The following WDR6 variants were observed in gnomAD, a reference collection of about 807,000 sequenced individuals.
WDR6 encodes WD repeat domain 6, also known as tRNA (34-2'-O)-methyltransferase regulator WDR6.
Under a neutral mutation model 85.6 loss-of-function variants are expected in WDR6, and 58 were observed. The ratio of observed to expected loss-of-function variants is 0.68; its 90% CI spans 0.55 to 0.84. The LOEUF (loss-of-function observed/expected upper bound fraction) is 0.84. Among genes scored for constraint, WDR6 ranks in the 40% least tolerant of loss-of-function variants. WDR6 has a pLI of 0.00. For synonymous variants in WDR6, 569 were observed against 582.2 expected, an observed-to-expected ratio of 0.98 and a Z score of 0.33; for missense variants, 1,310 against 1,476.4, an observed-to-expected ratio of 0.89 and a Z score of 1.85.
In WDR6 at chr3:49,015,066, G is replaced by C; in HGVS notation, c.3144G>C (p.Val1048=). The C allele has an allele frequency of 6.2e-7, 1 of 1,614,152 alleles. No individual in the cohort carries two copies. Among genetic ancestry groups the C allele is most frequent in the Middle Eastern group, 1.6e-4 (1 of 6,062 alleles). Residue 1048 remains valine, a synonymous_variant, in exon 6 of 6, where the codon GTG becomes GTC. Transcript: ENST00000608424. ...TCCCCTGTGCACATGCTGCCCATGT[G>C]ACAGGCCTCAAGATCCTAAGCCCAA... ...YSVPCAHAAH[V]TGLKILSPSI...
At chr3:49,010,405 C>CAA (rs1169593580) in intron 1 of WDR6, among the ~76,000 whole-genome samples, 1 of 125,808 alleles carries the variant, frequency 7.9e-6, no homozygotes, top group African/African-American at 3.0e-5. Context: ...GACTTTGTCT[C>CAA]AAAAAAAAAA....
Position 49,014,631 on chromosome 3 carries a change from G to A in WDR6, c.2815G>A (p.Gly939Ser), listed in dbSNP as rs764691454. ...CCTCCTGTGCAGCGCAGCTACTGAT[G>A]GCAGCCTGGCTTTCTGGGATCTCAC... ...RLLLCSAATD[G>S]SLAFWDLTTM... The change falls in exon 5 of 6, where the codon GGC (glycine) becomes AGC (serine). Residue 939 changes from glycine (G) to serine (S), a missense_variant. Physicochemically the swap from Gly to Ser is moderately conservative, Grantham distance 56. Transcript: ENST00000608424. This position sits in a 1 kb window ranked among gnomAD's most constrained non-coding sequence, Gnocchi z 4.9. 3 of 1,613,656 alleles carry A rather than the reference G, an allele frequency of 1.9e-6. No individual in the cohort carries two copies. Among genetic ancestry groups the A allele is most frequent in the East Asian group, 4.5e-5 (2 of 44,874 alleles).
In WDR6 at chr3:49,013,934, C is replaced by T; in HGVS notation, c.2400C>T (p.Ala800=). Residue 800 remains alanine (A), a synonymous_variant, in exon 2 of 6, where the codon GCC becomes GCT. Transcript: ENST00000608424. The surrounding 1 kb of genome is among the most constrained non-coding windows in gnomAD (Gnocchi z 4.6). Reference sequence around the variant, plus strand: ...AGGATCCTCAGCCAGGCCTGACTGCCCATGTGGTGTCTGCGGGGGGGCGGG... The same window carrying T: ...AGGATCCTCAGCCAGGCCTGACTGCTCATGTGGTGTCTGCGGGGGGGCGGG... ...GPQDPQPGLT[A]HVVSAGGRAE... 1 of 1,613,336 alleles carries T rather than the reference C, an allele frequency of 6.2e-7. No individual in the cohort carries two copies. The highest frequency in any genetic ancestry group is 1.3e-5 in the African/African-American group (1 of 75,022).
At position 49,013,101 on chromosome 3, in the gene WDR6, G is replaced by C; in HGVS notation, c.1567G>C (p.Gly523Arg). 6.2e-7 allele frequency: 1 copy of C among 1,609,790 alleles called. No homozygotes were observed. ...GSVLLFPSRPGLLKDPGVGGK... is the reference protein window; with the variant it reads ...GSVLLFPSRPRLLKDPGVGGK... ...TGTGCTGCTATTCCCCTCCAGACCAGGTCTGCTCAAGGACCCTGGGGTGGG... is the reference window on the plus strand; with the variant it reads ...TGTGCTGCTATTCCCCTCCAGACCACGTCTGCTCAAGGACCCTGGGGTGGG... The change falls in exon 2 of 6, where the codon GGT becomes CGT. Residue 523 changes from glycine to arginine, a missense_variant. By Grantham distance (125) the Gly-to-Arg change is moderately radical. Coordinates refer to ENST00000608424, the MANE Select transcript of WDR6 (RefSeq NM_018031.6). This position sits in a 1 kb window ranked among gnomAD's most constrained non-coding sequence, Gnocchi z 4.6.
In WDR6 at chr3:49,012,446, A is replaced by G; in HGVS notation, c.912A>G (p.Ile304Met). The G allele has an allele frequency of 1.9e-6, 3 of 1,614,188 alleles. No individual in the cohort carries two copies. Among genetic ancestry groups the G allele is most frequent in the Non-Finnish European group, 2.5e-6 (3 of 1,180,028 alleles). ...RGHQGRGIRA[I>M]AAHERQAWVI... ...ACCAGGGACGTGGGATCCGGGCCATAGCTGCCCATGAGAGGCAGGCCTGGG... is the reference window on the plus strand; with the variant it reads ...ACCAGGGACGTGGGATCCGGGCCATGGCTGCCCATGAGAGGCAGGCCTGGG... Residue 304 changes from isoleucine to methionine, a missense_variant, in exon 2 of 6, where the codon ATA (isoleucine) becomes ATG (methionine). Transcript: ENST00000608424. This position sits in a 1 kb window ranked among gnomAD's most constrained non-coding sequence, Gnocchi z 4.4.
Position 49,015,497 on chromosome 3 carries a change from A to T in WDR6, c.*209A>T. 6.3e-7 allele frequency: 1 copy of T among 1,577,580 alleles called. No homozygotes were observed. Among genetic ancestry groups the T allele is most frequent in the Non-Finnish European group, 8.7e-7 (1 of 1,153,670 alleles). On this transcript the variant is annotated 3_prime_UTR_variant, in exon 6 of 6. Transcript: ENST00000608424. ...CATGACAAGACAGAACTTTGTAACA[A>T]ACAGTACCAATTTATTTTGGCCGTG...
intron 1 of WDR6, chr3:49,011,265 A>T (rs1284423768): frequency 4.9e-6 from 2 of 404,186 alleles, no homozygotes; most frequent in Non-Finnish European, 4.6e-6. Context: ...TTTAGTAGAG[A>T]TGGGGTTTTC....
chr3:49,014,881 C>T lies in WDR6; in HGVS notation c.2959C>T (p.His987Tyr). The T allele has an allele frequency of 6.2e-7, 1 of 1,613,270 alleles. No homozygotes were observed. Among genetic ancestry groups the T allele is most frequent in the Non-Finnish European group, 8.5e-7 (1 of 1,179,390 alleles). The change falls in exon 6 of 6, where the codon CAC becomes TAC. Residue 987 changes from histidine to tyrosine, a missense_variant. Physicochemically the swap from His to Tyr is moderately conservative, Grantham distance 83. Transcript: ENST00000608424. The surrounding 1 kb of genome is among the most constrained non-coding windows in gnomAD (Gnocchi z 4.9). ...CCACAGCTGTGGTATCAACAGCCTG[C>T]ACACCTTGCCCACCCGTGAGGGCCA... ...QAHSCGINSL[H>Y]TLPTREGHHL...
Position 49,015,857 on chromosome 3 carries a change from C to G in WDR6, c.*569C>G, listed in dbSNP as rs1282034171. 1 of 1,614,034 alleles carries G rather than the reference C, an allele frequency of 6.2e-7. No individual in the cohort carries two copies. The highest frequency in any genetic ancestry group is 1.3e-5 in the African/African-American group (1 of 74,876). On this transcript the variant is annotated 3_prime_UTR_variant, in exon 6 of 6. Transcript: ENST00000608424. The stretch of plus-strand genomic sequence containing the variant: ...GAGCTGAAATCCATGCTGAGCTGTA[C>G]CAGGAACTTGCATATCTAGAGACAG...
In WDR6 at chr3:49,012,011, C is replaced by G. The variant is rs1395677379; in HGVS notation, c.477C>G (p.Thr159=). 3 of 1,614,154 alleles carry G rather than the reference C, an allele frequency of 1.9e-6. No individual in the cohort carries two copies. Among genetic ancestry groups the G allele is most frequent in the Admixed American group, 3.3e-5 (2 of 60,026 alleles). ...AGGTGCCCTGCACAGACAGGTGCAC[C>G]CTCTCTTCAGCCTGCCTGATTGGAG... ...LQEVPCTDRC[T]LSSACLIGDA... is the part of the protein sequence containing the mutation. Residue 159 remains threonine (T), a synonymous_variant, in exon 2 of 6, where the codon ACC becomes ACG. Transcript: ENST00000608424. This position sits in a 1 kb window ranked among gnomAD's most constrained non-coding sequence, Gnocchi z 4.4.
rs1207661748 is a variant in WDR6, at chr3:49,013,293, C to T, written c.1759C>T (p.Arg587Cys). The T allele has an allele frequency of 6.8e-6, 11 of 1,614,108 alleles. No individual in the cohort carries two copies. The highest frequency in any genetic ancestry group is 1.7e-5 in the Admixed American group (1 of 60,010). The change falls in exon 2 of 6, where the codon CGT (arginine) becomes TGT (cysteine). Residue 587 changes from arginine (R) to cysteine (C), a missense_variant. Arg to Cys is a radical substitution (Grantham distance 180). Transcript: ENST00000608424. This position sits in a 1 kb window ranked among gnomAD's most constrained non-coding sequence, Gnocchi z 4.6. Reference protein sequence around the residue: ...CHGGYVYTTGRDGAYYQLFVR... With the variant: ...CHGGYVYTTGCDGAYYQLFVR... ...TGGTGGCTATGTGTATACCACAGGG[C>T]GTGATGGAGCCTACTACCAGCTGTT... is the stretch of plus-strand genomic sequence containing the variant.
In WDR6 at chr3:49,007,926, G is replaced by A. The variant is rs1363617561; in HGVS notation, c.100+395G>A. On this transcript the variant is annotated intron_variant, in intron 1 of 5. Coordinates refer to ENST00000608424, the MANE Select transcript of WDR6 (RefSeq NM_018031.6). The surrounding 1 kb of genome is among the most constrained non-coding windows in gnomAD (Gnocchi z 5.1). ...CCGAAGGAGACGGGGCCGAGCTGGG[G>A]GGGGCGGAGGGAGGAGGAGGAGGAG... The A allele has an allele frequency of 1.2e-5, 2 of 163,428 alleles. No individual in the cohort carries two copies. The highest frequency in any genetic ancestry group is 1.4e-4 in the South Asian group (1 of 7,042). The allele number at this position is 163,428 out of a possible 1,614,324, so 10.1% of individuals were successfully genotyped here.
chr3:49,010,675 C>T (rs935893892), intron 1 of WDR6, among the ~76,000 whole-genome samples: 1 of 151,568 alleles, frequency 6.6e-6, no homozygotes, highest in South Asian at 2.1e-4. Flanking sequence ...ACGGTGAAAC[C>T]CTGTCTCTAT....
chr3:49,007,802 C>T lies in WDR6; in HGVS notation c.100+271C>T. 4 of 880,422 alleles carry T rather than the reference C, an allele frequency of 4.5e-6. No homozygotes were observed. The highest frequency in any genetic ancestry group is 6.0e-6 in the Non-Finnish European group (4 of 666,766). 54.5% of individuals were successfully genotyped at this position (880,422 alleles called of 1,614,324 possible). On this transcript the variant is annotated intron_variant, in intron 1 of 5. Coordinates refer to ENST00000608424, the MANE Select transcript of WDR6 (RefSeq NM_018031.6). This position sits in a 1 kb window ranked among gnomAD's most constrained non-coding sequence, Gnocchi z 5.1. ...GGGCGGGTGGAACCGCGGGAGGGTG[C>T]AGGGGAACGCGGCCGCGCGGAGGCG...
In WDR6 at chr3:49,007,759, C is replaced by G; in HGVS notation, c.100+228C>G. On this transcript the variant is annotated intron_variant, in intron 1 of 5. Transcript: ENST00000608424. This position sits in a 1 kb window ranked among gnomAD's most constrained non-coding sequence, Gnocchi z 5.1. ...TGTGGCCGCCGCGGCGCTTCATAAA[C>G]TTCAGCCCGCGTGGAAAGGGCGGGT... The G allele has an allele frequency of 1.2e-5, 14 of 1,196,950 alleles. No homozygotes were observed. The highest frequency in any genetic ancestry group is 1.5e-5 in the Non-Finnish European group (14 of 932,226). 74.1% of individuals were successfully genotyped at this position (1,196,950 alleles called of 1,614,324 possible). A position where few individuals can be genotyped will look rare whatever the true frequency, so the allele number is the denominator to read the frequency against.
In WDR6 at chr3:49,012,274, G is replaced by C; in HGVS notation, c.740G>C (p.Arg247Pro). The C allele has an allele frequency of 6.2e-7, 1 of 1,614,226 alleles. No homozygotes were observed. The highest frequency in any genetic ancestry group is 8.5e-7 in the Non-Finnish European group (1 of 1,180,040). Residue 247 changes from arginine (R) to proline (P), a missense_variant, in exon 2 of 6, where the codon CGG becomes CCG. By Grantham distance (103) the Arg-to-Pro change is moderately radical. Transcript: ENST00000608424. The surrounding 1 kb of genome is among the most constrained non-coding windows in gnomAD (Gnocchi z 4.4). Reference protein sequence around the residue: ...KVGDLRVPGGRVQNIGHCFGH... With the variant: ...KVGDLRVPGGPVQNIGHCFGH... ...GGCGACCTGCGAGTGCCTGGGGGTC[G>C]GGTGCAGAATATTGGGCACTGCTTT...
Position 49,013,146 on chromosome 3 carries a change from G to A in WDR6, c.1612G>A (p.Ala538Thr). The A allele has an allele frequency of 1.2e-6, 2 of 1,609,248 alleles. No individual in the cohort carries two copies. Among genetic ancestry groups the A allele is most frequent in the Non-Finnish European group, 1.7e-6 (2 of 1,176,794 alleles). The change falls in exon 2 of 6, where the codon GCT becomes ACT. Residue 538 changes from alanine to threonine, a missense_variant. Coordinates refer to ENST00000608424, the MANE Select transcript of WDR6 (RefSeq NM_018031.6). The surrounding 1 kb of genome is among the most constrained non-coding windows in gnomAD (Gnocchi z 4.6). ...PGVGGKARAG[A>T]GAPVVGSGSS... ...GGTGGGAGGCAAGGCTCGGGCTGGT[G>A]CTGGGGCACCTGTAGTGGGTAGTGG...
intron 1 of WDR6, among the ~76,000 whole-genome samples, chr3:49,009,788 T>G (rs950132418): frequency 1.3e-5 from 2 of 151,718 alleles, no homozygotes; most frequent in Non-Finnish European, 2.9e-5. Context: ...AGTGCAGTGG[T>G]GCAATCTCAG....
chr3:49,013,644 A>T lies in WDR6; in HGVS notation c.2110A>T (p.Ile704Phe). 1 of 1,614,104 alleles carries T rather than the reference A, an allele frequency of 6.2e-7. No individual in the cohort carries two copies. Among genetic ancestry groups the T allele is most frequent in the Non-Finnish European group, 8.5e-7 (1 of 1,180,010 alleles). Reference sequence around the variant, plus strand: ...CCGGGAGGGTCTGCATGGCCGTGAGATCACTTGTGTAAAGCGTGTGGGCAC... The same window carrying T: ...CCGGGAGGGTCTGCATGGCCGTGAGTTCACTTGTGTAAAGCGTGTGGGCAC... ...ILREGLHGRE[I>F]TCVKRVGTIT... The change falls in exon 2 of 6, where the codon ATC becomes TTC. Residue 704 changes from isoleucine to phenylalanine, a missense_variant. By Grantham distance (21) the Ile-to-Phe change is conservative (BLOSUM62 0). Coordinates refer to ENST00000608424, the MANE Select transcript of WDR6 (RefSeq NM_018031.6). The surrounding 1 kb of genome is among the most constrained non-coding windows in gnomAD (Gnocchi z 4.6).
Sources: gnomAD v4.1 joint callset for allele counts (sites outside exome capture counted in the v4.1 genomes callset) on GRCh38, gnomAD v4.1.1 for gene constraint, Gnocchi (gnomAD v3.1) non-coding constraint, MANE v1.5 for transcripts, NCBI Gene and HGNC (gene_info 2026-07-23, HGNC 2026-07-21) for gene names.